Variants in RAB6B observed in about 807,000 individuals in gnomAD.
The protein encoded by RAB6B is RAB6B, member RAS oncogene family, also known as ras-related protein Rab-6B.
A neutral mutation model predicts 31.2 loss-of-function variants in RAB6B; 7 were observed. The observed-to-expected ratio is 0.22, with a 90% CI of 0.13 to 0.42. RAB6B has a LOEUF of 0.42. Ranked by LOEUF, RAB6B falls within the 10% of genes least tolerant of loss-of-function variation. The probability of loss-of-function intolerance (pLI) is 1.00; values close to 1 mark genes in which losing one functional copy is unlikely to be tolerated. For missense variants in RAB6B, 149 were observed against 280.6 expected (o/e 0.53, Z 3.35); for synonymous variants, 105 against 104.9 (o/e 1.00, Z -0.01).
At position 133,827,926 on chromosome 3, in the gene RAB6B, G is replaced by C. The variant is rs2107983266; in HGVS notation, c.*862C>G. ...TGGGCTGGTTAAAATATTTTCAGAA[G>C]TACACATGGCACCCCAGTCTATAAA... On this transcript the variant is annotated 3_prime_UTR_variant, in exon 8 of 8. Transcript: ENST00000285208. 1.4e-6 allele frequency: 1 copy of C among 702,902 alleles called. No homozygotes were observed. Among genetic ancestry groups the C allele is most frequent in the African/African-American group, 1.7e-5 (1 of 57,330 alleles). The allele number at this position is 702,902 out of a possible 1,614,324, so 43.5% of individuals were successfully genotyped here.
At position 133,862,279 on chromosome 3, in the gene RAB6B, G is replaced by A. The variant is rs377140930; in HGVS notation, c.129+2305C>T. On this transcript the variant is annotated intron_variant, in intron 2 of 7. Transcript: ENST00000285208. ...TCTCCATGCTGTTTTTTTTGTGTGTGTGCCAGCAGGCACTGGTGATACCAA... is the reference window on the plus strand; with the variant it reads ...TCTCCATGCTGTTTTTTTTGTGTGTATGCCAGCAGGCACTGGTGATACCAA... Among the ~76,000 whole-genome samples the A allele has an allele frequency of 2.1e-4, 32 of 152,232 alleles. No individual in the cohort carries two copies. The Middle Eastern group carries it at 0.01, about 49-fold the overall frequency.
chr3:133,886,895 T>A (rs572601088), intron 1 of RAB6B, among the ~76,000 whole-genome samples: 1 of 152,134 alleles, frequency 6.6e-6, no homozygotes, highest in Non-Finnish European at 1.5e-5. Context: ...AAGGTAATGA[T>A]CAACTTCCTG....
At chr3:133,867,557 C>T (rs191814114) in intron 1 of RAB6B, among the ~76,000 whole-genome samples, 20 of 152,288 alleles carry the variant, frequency 1.3e-4, no homozygotes, top group Middle Eastern at 3.4e-3. Context: ...AGTTCTTATC[C>T]GGGTACTCCT....
At chr3:133,882,799 T>A (rs1207053665) in intron 1 of RAB6B, among the ~76,000 whole-genome samples, 1 of 152,140 alleles carries the variant, frequency 6.6e-6, no homozygotes, top group African/African-American at 2.4e-5. Context: ...TGGCCCAACA[T>A]CTGGGGTGCT....
intron 1 of RAB6B, among the ~76,000 whole-genome samples, chr3:133,866,896 T>G (rs1351747506): frequency 6.6e-6 from 1 of 152,272 alleles, no homozygotes; most frequent in African/African-American, 2.4e-5. Context: ...GCAGCGACGC[T>G]CTGCGTCTTG....
intron 2 of RAB6B, among the ~76,000 whole-genome samples, chr3:133,854,539 T>A (rs1272918867): frequency 6.6e-6 from 1 of 152,228 alleles, no homozygotes; most frequent in African/African-American, 2.4e-5. Context: ...TCTGCTGGGA[T>A]GAGATTGCTC....
chr3:133,852,715 G>A (rs1936005356), intron 2 of RAB6B, among the ~76,000 whole-genome samples: 2 of 152,190 alleles, frequency 1.3e-5, no homozygotes, highest in African/African-American at 2.4e-5. Context: ...CAGGGCACAA[G>A]TGATCCTTCC....
intron 1 of RAB6B, among the ~76,000 whole-genome samples, chr3:133,871,073 G>C (rs1936316571): frequency 6.6e-6 from 1 of 152,252 alleles, no homozygotes; most frequent in Admixed American, 6.5e-5. Flanking sequence ...CATTCTGGTG[G>C]TTTCTAGGTA....
At chr3:133,830,063 C>A (rs1046082055) in intron 7 of RAB6B, among the ~76,000 whole-genome samples, 2 of 152,250 alleles carry the variant, frequency 1.3e-5, no homozygotes, top group Non-Finnish European at 2.9e-5. Context: ...CTTTTGTTCT[C>A]TCTACCCTAG....
At chr3:133,854,110 T>G (rs1226016356) in intron 2 of RAB6B, among the ~76,000 whole-genome samples, 1 of 152,220 alleles carries the variant, frequency 6.6e-6, no homozygotes, top group Non-Finnish European at 1.5e-5. Context: ...AGTTCTGCAC[T>G]GAAGAAACAC....
intron 2 of RAB6B, among the ~76,000 whole-genome samples, chr3:133,851,697 T>G (rs1488969010): frequency 6.6e-6 from 1 of 152,174 alleles, no homozygotes; most frequent in Non-Finnish European, 1.5e-5. Context: ...CTTGCACGAC[T>G]GGGAACACTA....
At chr3:133,838,962 G>A (rs560115738) in intron 5 of RAB6B, among the ~76,000 whole-genome samples, 14 of 152,364 alleles carry the variant, frequency 9.2e-5, no homozygotes, top group African/African-American at 3.4e-4. Flanking sequence ...AGTTCTCCCT[G>A]TGCATGGAGG....
At chr3:133,874,212 C>A (rs780906257) in intron 1 of RAB6B, among the ~76,000 whole-genome samples, 3 of 152,184 alleles carry the variant, frequency 2.0e-5, no homozygotes, top group Non-Finnish European at 4.4e-5. Flanking sequence ...ATCTATCTAT[C>A]TATAGTCATG....
At chr3:133,862,860 C>T (rs1393703982) in intron 2 of RAB6B, among the ~76,000 whole-genome samples, 1 of 152,208 alleles carries the variant, frequency 6.6e-6, no homozygotes, top group African/African-American at 2.4e-5. Context: ...AAGAGTCTCA[C>T]TGTTTTCAAT....
chr3:133,894,377 C>T (rs1164011215), intron 1 of RAB6B: 1 of 152,352 alleles, frequency 6.6e-6, no homozygotes, highest in Admixed American at 6.5e-5. Flanking sequence ...GGGCTTCCCG[C>T]CTCTAGGGAC....
intron 2 of RAB6B, among the ~76,000 whole-genome samples, chr3:133,842,976 G>C (rs1311259589): frequency 6.6e-6 from 1 of 152,198 alleles, no homozygotes; most frequent in Non-Finnish European, 1.5e-5. Context: ...AAATAGAAAA[G>C]GTCATATCTC....
At chr3:133,884,579 A>G (rs1272140116) in intron 1 of RAB6B, among the ~76,000 whole-genome samples, 1 of 152,224 alleles carries the variant, frequency 6.6e-6, no homozygotes, top group Non-Finnish European at 1.5e-5. Flanking sequence ...AAGAAAGCAA[A>G]GGAAGTGATC....
chr3:133,889,391 TATA>T lies in RAB6B; in HGVS notation c.70+6003_70+6005del, dbSNP rs1936599248. Among the ~76,000 whole-genome samples, 339 of 34,010 alleles carry T rather than the reference TATA, an allele frequency of 1.0e-2. 30 individuals are homozygous for T. The highest frequency in any genetic ancestry group is 0.014 in the Non-Finnish European group (210 of 15,312). 22.3% of individuals were successfully genotyped at this position (34,010 alleles called of 152,430 possible). A position where few individuals can be genotyped will look rare whatever the true frequency, so the allele number is the denominator to read the frequency against. On this transcript the variant is annotated intron_variant, in intron 1 of 7. Transcript: ENST00000285208. Reference sequence around the variant, plus strand: ...AAAGGACAATAAGGTTATTTTGTTATATATATATATATATATATATATATATAT... The same window carrying T: ...AAAGGACAATAAGGTTATTTTGTTATTATATATATATATATATATATATAT...
chr3:133,850,129 T>C (rs527858151), intron 2 of RAB6B, among the ~76,000 whole-genome samples: 1 of 152,112 alleles, frequency 6.6e-6, no homozygotes, highest in Admixed American at 6.5e-5. Flanking sequence ...TACCTAAGAC[T>C]GAAAACAAAA....
Sources: gnomAD v4.1 joint callset for allele counts (sites outside exome capture counted in the v4.1 genomes callset) on GRCh38, gnomAD v4.1.1 for gene constraint, MANE v1.5 for transcripts, NCBI Gene and HGNC (gene_info 2026-07-23, HGNC 2026-07-21) for gene names.